SFMBT2: variants seen among roughly 807,000 people sequenced by gnomAD.
SFMBT2 encodes scm-like with four MBT domains protein 2.
A neutral mutation model predicts 110.1 loss-of-function variants in SFMBT2; 38 were observed. The observed-to-expected ratio is 0.35, with a 90% CI of 0.27 to 0.45. The LOEUF (loss-of-function observed/expected upper bound fraction) is 0.45, where lower values mean the gene tolerates loss of function less well. Among genes scored for constraint, SFMBT2 ranks in the 20% least tolerant of loss-of-function variants. SFMBT2 has a pLI of 1.00. For synonymous variants in SFMBT2, 425 were observed against 425.4 expected (o/e 1.00, Z 0.01); for missense variants, 1,011 against 1,094.9 (o/e 0.92, Z 1.08).
chr10:7,266,751 A>G (rs923209423), intron 7 of SFMBT2, among the ~76,000 whole-genome samples: 1 of 152,218 alleles, frequency 6.6e-6, no homozygotes, highest in Non-Finnish European at 1.5e-5. Flanking sequence ...CATGGGACAG[A>G]GATGGTGGCC....
intron 1 of SFMBT2, among the ~76,000 whole-genome samples, chr10:7,382,497 T>A (rs1845452339): frequency 1.3e-5 from 2 of 152,148 alleles, no homozygotes; most frequent in African/African-American, 4.8e-5. Context: ...AGCAAAACCA[T>A]CCGTGTTCTA....
chr10:7,285,777 G>A, intron 5 of SFMBT2, 89 bp downstream of exon 5: 1 of 764,874 alleles, frequency 1.3e-6, no homozygotes, highest in Non-Finnish European at 2.4e-6. Flanking sequence ...CGCATCTGCT[G>A]AAGGATATAT....
At chr10:7,273,421 A>C (rs908727370) in intron 7 of SFMBT2, among the ~76,000 whole-genome samples, 1 of 152,236 alleles carries the variant, frequency 6.6e-6, no homozygotes, top group Non-Finnish European at 1.5e-5. Flanking sequence ...CTGAGAGCTA[A>C]GTTGTAAAAT....
At chr10:7,240,089 GAAAAA>G (rs1350833405) in intron 9 of SFMBT2, among the ~76,000 whole-genome samples, 2 of 151,774 alleles carry the variant, frequency 1.3e-5, no homozygotes, top group Non-Finnish European at 2.9e-5. Context: ...AGATAGAAAA[GAAAAA>G]AAGATAAAAA....
intron 7 of SFMBT2, among the ~76,000 whole-genome samples, chr10:7,257,513 G>A (rs916629222): frequency 6.6e-6 from 1 of 152,180 alleles, no homozygotes; most frequent in Non-Finnish European, 1.5e-5. Flanking sequence ...GCTTCAGGGT[G>A]AACAGCAAAG....
At chr10:7,360,427 AC>A (rs1210777443) in intron 4 of SFMBT2, among the ~76,000 whole-genome samples, 1 of 152,140 alleles carries the variant, frequency 6.6e-6, no homozygotes, top group Non-Finnish European at 1.5e-5. Flanking sequence ...AAATTACGCC[AC>A]TACATTCCAG....
intron 11 of SFMBT2, among the ~76,000 whole-genome samples, chr10:7,217,397 C>T (rs1390911617): frequency 6.6e-6 from 1 of 151,856 alleles, no homozygotes; most frequent in African/African-American, 2.4e-5. Context: ...ATGAAACCAC[C>T]CAAAAGTTCT....
chr10:7,320,693 T>G, intron 4 of SFMBT2: 1 of 827,004 alleles, frequency 1.2e-6, no homozygotes, highest in South Asian at 5.6e-5. Flanking sequence ...AAGTAAAGTT[T>G]AAAGAGTCTA....
At chr10:7,277,622 T>G (rs1265652179) in intron 6 of SFMBT2, 1 of 152,794 alleles carries the variant, frequency 6.5e-6, no homozygotes, top group African/African-American at 2.4e-5. Flanking sequence ...TTACACAGTC[T>G]GAATGCAAAA....
intron 4 of SFMBT2, among the ~76,000 whole-genome samples, chr10:7,299,064 T>C (rs1430004677): frequency 6.6e-6 from 1 of 152,080 alleles, no homozygotes; most frequent in Non-Finnish European, 1.5e-5. Context: ...ATACAAAAAT[T>C]AGCCCAAATC....
In SFMBT2 at chr10:7,243,717, A is replaced by C; in HGVS notation, c.973-12T>G. On this transcript the variant is annotated splice_polypyrimidine_tract_variant and intron_variant, in intron 8 of 20. Coordinates refer to ENST00000397167, the MANE Select transcript of SFMBT2 (RefSeq NM_001387889.1). ...TGATTGTTAAAAACCTAAAAGAAAA[A>C]AAATGGGGGAGCCAAAGGTTAATTC... is the stretch of plus-strand genomic sequence containing the variant. 1.2e-6 allele frequency: 1 copy of C among 868,546 alleles called. No homozygotes were observed. Among genetic ancestry groups the C allele is most frequent in the East Asian group, 2.4e-5 (1 of 41,676 alleles). 53.8% of individuals were successfully genotyped at this position (868,546 alleles called of 1,614,324 possible).
At chr10:7,404,370 C>T (rs567133355) in intron 1 of SFMBT2, among the ~76,000 whole-genome samples, 1 of 152,228 alleles carries the variant, frequency 6.6e-6, no homozygotes, top group South Asian at 2.1e-4. Context: ...AAGAAAACAA[C>T]TTGCCAAGTT....
At chr10:7,315,053 A>AAAGAAAGAAAGG (rs1842961716) in intron 4 of SFMBT2, among the ~76,000 whole-genome samples, 2 of 128,826 alleles carry the variant, frequency 1.6e-5, no homozygotes, top group South Asian at 2.4e-4. Context: ...AGAAAGAAAG[A>AAAGAAAGAAAGG]AAGAAAGAAA....
At chr10:7,356,516 A>G (rs1844519795) in intron 4 of SFMBT2, among the ~76,000 whole-genome samples, 1 of 152,176 alleles carries the variant, frequency 6.6e-6, no homozygotes, top group Non-Finnish European at 1.5e-5. Context: ...CCCGGGTTCA[A>G]GCAACTCTCC....
At chr10:7,277,642 A>G (rs1678100451) in intron 6 of SFMBT2, among the ~76,000 whole-genome samples, 2 of 146,992 alleles carry the variant, frequency 1.4e-5, no homozygotes, top group Admixed American at 1.3e-4. Context: ...ATTAAAAGGA[A>G]AAAAAAAAAC....
rs537290560 is a variant in SFMBT2 at position 7,296,309 on chromosome 10, G to GA, written c.437-10356dup. ...CTTTTCTTCCATTCTCCACTAAAAA[G>GA]AAAAAAAACTAATTCTTACAGTTCT... On this transcript the variant is annotated intron_variant, in intron 4 of 20. Transcript: ENST00000397167. Among the ~76,000 whole-genome samples, 13 of 151,840 alleles carry GA rather than the reference G, an allele frequency of 8.6e-5. No individual in the cohort carries two copies. The East Asian group carries it at 1.5e-3, about 18-fold the overall frequency.
Position 7,176,178 on chromosome 10 carries a change from T to G in SFMBT2, c.1809-13A>C, listed in dbSNP as rs1192535199. On this transcript the variant is annotated splice_polypyrimidine_tract_variant and intron_variant, in intron 16 of 20. Transcript: ENST00000397167. ...TTTGCCTCTGTATCTAGAAAATAGG[T>G]GGGGAAGAAAAGCGAGGGCAAGACC... The G allele has an allele frequency of 6.2e-7, 1 of 1,613,682 alleles. No homozygotes were observed. The highest frequency in any genetic ancestry group is 8.5e-7 in the Non-Finnish European group (1 of 1,179,830).
intron 7 of SFMBT2, among the ~76,000 whole-genome samples, chr10:7,276,311 G>C (rs1841773425): frequency 6.6e-6 from 1 of 152,060 alleles, no homozygotes. Context: ...ATTTCCTTTT[G>C]TTTCTGTAGT....
chr10:7,297,353 T>A (rs768161859), intron 4 of SFMBT2, among the ~76,000 whole-genome samples: 1 of 152,238 alleles, frequency 6.6e-6, no homozygotes, highest in Non-Finnish European at 1.5e-5. Context: ...TCAGAAAGGC[T>A]GCCTAACCTC....
Sources: gnomAD v4.1 joint callset for allele counts (sites outside exome capture counted in the v4.1 genomes callset) on GRCh38, gnomAD v4.1.1 for gene constraint, MANE v1.5 for transcripts, NCBI Gene and HGNC (gene_info 2026-07-23, HGNC 2026-07-21) for gene names.